Variants in ALMS1 observed in about 807,000 individuals in gnomAD.
The protein encoded by ALMS1 is centrosome-associated protein ALMS1.
ALMS1 carries 271 observed loss-of-function variants against 352.2 expected under a neutral mutation model. The ratio of observed to expected loss-of-function variants is 0.77; its 90% CI spans 0.70 to 0.85. The LOEUF is 0.85. Among genes scored for constraint, ALMS1 ranks in the 40% least tolerant of loss-of-function variants. ALMS1 has a pLI of 0.00. For synonymous variants in ALMS1, 1,865 were observed against 1,761.2 expected, an observed-to-expected ratio of 1.06 and a Z score of -1.48; for missense variants, 5,445 against 4,870.7, an observed-to-expected ratio of 1.12 and a Z score of -3.51.
intron 13 of ALMS1, among the ~76,000 whole-genome samples, chr2:73,553,971 T>C (rs2104046727): frequency 6.6e-6 from 1 of 152,264 alleles, no homozygotes; most frequent in Non-Finnish European, 1.5e-5. Flanking sequence ...AGGATATTGA[T>C]CCTAGAATAA....
At chr2:73,591,784 TG>T (rs1458412738) in intron 16 of ALMS1, among the ~76,000 whole-genome samples, 1 of 152,186 alleles carries the variant, frequency 6.6e-6, no homozygotes, top group Non-Finnish European at 1.5e-5. Flanking sequence ...AATAAATAAA[TG>T]TATAGGGCTA....
chr2:73,461,275 T>G (rs1672194594), intron 9 of ALMS1, among the ~76,000 whole-genome samples: 2 of 152,200 alleles, frequency 1.3e-5, no homozygotes, highest in African/African-American at 4.8e-5. Flanking sequence ...GCATTTGCGG[T>G]TCACCAATAT....
chr2:73,460,904 A>T (rs1431092730), intron 9 of ALMS1, among the ~76,000 whole-genome samples: 1 of 152,212 alleles, frequency 6.6e-6, no homozygotes, highest in African/African-American at 2.4e-5. Context: ...GGCGCCTGCC[A>T]TTGTGCAGGC....
Position 73,490,304 on chromosome 2 carries a change from A to G in ALMS1, c.8345A>G (p.Asp2782Gly), listed in dbSNP as rs1672950843. The G allele has an allele frequency of 6.2e-7, 1 of 1,612,476 alleles. No individual in the cohort carries two copies. Among genetic ancestry groups the G allele is most frequent in the Non-Finnish European group, 8.5e-7 (1 of 1,179,338 alleles). Residue 2782 changes from aspartate to glycine, a missense_variant, in exon 10 of 23, where the codon GAT becomes GGT. Coordinates refer to ENST00000613296, the MANE Select transcript of ALMS1 (RefSeq NM_001378454.1). ...TTTAAAATGCATAGTAATTCACAAG[A>G]TAAAGAAGTGACTATTTTAGCAGAA... Reference protein sequence around the residue: ...SSFKMHSNSQDKEVTILAEGR... With the variant: ...SSFKMHSNSQGKEVTILAEGR...
Position 73,600,876 on chromosome 2 carries a change from A to G in ALMS1, c.11867A>G (p.His3956Arg), listed in dbSNP as rs553786370. The G allele has an allele frequency of 5.3e-5, 86 of 1,613,526 alleles. 2 individuals carry two copies. The South Asian group carries it at 7.6e-4, about 14-fold the overall frequency. The change falls in exon 18 of 23, where the codon CAT (histidine) becomes CGT (arginine). Residue 3956 changes from histidine (H) to arginine (R), a missense_variant. By Grantham distance (29) the His-to-Arg change is conservative. Transcript: ENST00000613296. ...RKLKKNKKNS[H>R]EGVSWFVPVE... ...TTAAAAAAGAACAAGAAGAATTCCC[A>G]TGAAGGTCAGTTTCTCATTCCAGAT...
At chr2:73,558,840 A>G in intron 14 of ALMS1, 132 bp from the exon 15 acceptor site, 2 of 978,040 alleles carry the variant, frequency 2.0e-6, no homozygotes, top group Non-Finnish European at 3.0e-6. Flanking sequence ...TATTTTCTAA[A>G]CGCATTTCTG....
At position 73,504,835 on chromosome 2, in the gene ALMS1, C is replaced by T. The variant is rs367966882; in HGVS notation, c.9539+13337C>T. ...CATGGTGGTTTGCTGCACCCATCAA[C>T]TCGTCATCTACATTACGTATTTCTC... On this transcript the variant is annotated intron_variant, in intron 10 of 22. Coordinates refer to ENST00000613296, the MANE Select transcript of ALMS1 (RefSeq NM_001378454.1). 2.6e-4 allele frequency among the ~76,000 whole-genome samples: 39 copies of T among 152,212 alleles called. No homozygotes were observed. In the East Asian group the frequency reaches 5.0e-3, roughly 20 times the overall value.
At chr2:73,446,081 C>G (rs754038230) in intron 7 of ALMS1, among the ~76,000 whole-genome samples, 5 of 152,138 alleles carry the variant, frequency 3.3e-5, no homozygotes, top group Non-Finnish European at 7.4e-5. Context: ...ATAGAACTGA[C>G]AAGAATTCTT....
Position 73,486,788 on chromosome 2 carries a change from C to G in ALMS1, c.7675-2846C>G, listed in dbSNP as rs1007718939. ...ATCTGGCCAGGCGCAGTGGCTCATG[C>G]CTGTAATCCCAGCACTTTGGGGAGG... On this transcript the variant is annotated intron_variant, in intron 9 of 22. Coordinates refer to ENST00000613296, the MANE Select transcript of ALMS1 (RefSeq NM_001378454.1). 2.6e-5 allele frequency among the ~76,000 whole-genome samples: 4 copies of G among 152,312 alleles called. No individual in the cohort carries two copies. In the South Asian group the frequency reaches 8.3e-4, roughly 32 times the overall value.
At chr2:73,555,484 G>A (rs998960140) in intron 13 of ALMS1, among the ~76,000 whole-genome samples, 29 of 152,154 alleles carry the variant, frequency 1.9e-4, no homozygotes, top group African/African-American at 5.3e-4. Context: ...CATATTAAAA[G>A]TAAATGGGAT....
At chr2:73,581,163 C>T (rs752382690) in intron 16 of ALMS1, among the ~76,000 whole-genome samples, 5 of 152,158 alleles carry the variant, frequency 3.3e-5, no homozygotes, top group Non-Finnish European at 7.4e-5. Context: ...TTTTTCTTTC[C>T]TGCTTTTAGT....
At chr2:73,521,429 AAC>A (rs1450615534) in intron 11 of ALMS1, among the ~76,000 whole-genome samples, 2 of 152,180 alleles carry the variant, frequency 1.3e-5, no homozygotes, top group Admixed American at 1.3e-4. Context: ...TGGTGGCAGA[AAC>A]ACAAGAGAGG....
In ALMS1 at chr2:73,550,317, A is replaced by G; in HGVS notation, c.9958A>G (p.Arg3320Gly). ...CTTCCCAGCTCAGGTGCTAGGCACA[A>G]GAGATGATGACCTCTCAGCCACTGT... is the stretch of plus-strand genomic sequence containing the variant. ...PDFPAQVLGT[R>G]DDDLSATVNI... The change falls in exon 13 of 23, where the codon AGA becomes GGA. Residue 3320 changes from arginine to glycine, a missense_variant. By Grantham distance (125) the Arg-to-Gly change is moderately radical. Transcript: ENST00000613296. 1 of 1,614,194 alleles carries G rather than the reference A, an allele frequency of 6.2e-7. No homozygotes were observed. Among genetic ancestry groups the G allele is most frequent in the Non-Finnish European group, 8.5e-7 (1 of 1,180,004 alleles).
At chr2:73,486,705 T>TTA (rs1672855853) in intron 9 of ALMS1, among the ~76,000 whole-genome samples, 1 of 152,192 alleles carries the variant, frequency 6.6e-6, no homozygotes. Context: ...TACATTTGTT[T>TTA]TATATATATT....
rs941155215 is a variant in ALMS1 at position 73,413,903 on chromosome 2, C to T, written c.450+5156C>T. ...CTATTCCATTGATTTACATATGTAT[C>T]CTCATGCCAATATTACACTCTTAAT... On this transcript the variant is annotated intron_variant, in intron 2 of 22. Transcript: ENST00000613296. Among the ~76,000 whole-genome samples the T allele has an allele frequency of 3.3e-5, 5 of 152,188 alleles. No homozygotes were observed. The South Asian group carries it at 1.0e-3, about 32-fold the overall frequency.
At chr2:73,421,726 A>C (rs1671288078) in intron 3 of ALMS1, among the ~76,000 whole-genome samples, 1 of 152,118 alleles carries the variant, frequency 6.6e-6, no homozygotes, top group South Asian at 2.1e-4. Flanking sequence ...ATTATATGGA[A>C]GGTATGCAGG....
In ALMS1 at chr2:73,450,036, A is replaced by C; in HGVS notation, c.3509A>C (p.Lys1170Thr). Residue 1170 changes from lysine (K) to threonine (T), a missense_variant, in exon 8 of 23, where the codon AAA becomes ACA. Lys to Thr is a moderately conservative substitution (Grantham distance 78). Coordinates refer to ENST00000613296, the MANE Select transcript of ALMS1 (RefSeq NM_001378454.1). ...ACTCATATACCTGAAGAGGCTCAGA[A>C]AGTTTCAGCTGTTACTGGACCAGGT... ...PGTHIPEEAQ[K>T]VSAVTGPGNQ... 1 of 1,613,902 alleles carries C rather than the reference A, an allele frequency of 6.2e-7. No individual in the cohort carries two copies. The highest frequency in any genetic ancestry group is 8.5e-7 in the Non-Finnish European group (1 of 1,179,924).
At chr2:73,456,217 G>A (rs542929347) in intron 9 of ALMS1, among the ~76,000 whole-genome samples, 1 of 151,802 alleles carries the variant, frequency 6.6e-6, no homozygotes, top group South Asian at 2.1e-4. Context: ...CTTCAGTATG[G>A]TTTTGAACTC....
chr2:73,454,239 G>A lies in ALMS1; in HGVS notation c.7540+172G>A, dbSNP rs1399629175. The stretch of plus-strand genomic sequence containing the variant: ...TATTTTCCAATAGAATTGTTAGAAT[G>A]ACTATATTTCTTCTAACAATCCATA... On this transcript the variant is annotated intron_variant, in intron 8 of 22. Coordinates refer to ENST00000613296, the MANE Select transcript of ALMS1 (RefSeq NM_001378454.1). 6 of 919,738 alleles carry A rather than the reference G, an allele frequency of 6.5e-6. No individual in the cohort carries two copies. In the East Asian group the frequency reaches 5.7e-4, roughly 88 times the overall value. 57.0% of individuals were successfully genotyped at this position (919,738 alleles called of 1,614,324 possible).
Sources: gnomAD v4.1 joint callset for allele counts (sites outside exome capture counted in the v4.1 genomes callset) on GRCh38, gnomAD v4.1.1 for gene constraint, MANE v1.5 for transcripts, NCBI Gene and HGNC (gene_info 2026-07-23, HGNC 2026-07-21) for gene names.